STK3: variants seen among roughly 807,000 people sequenced by gnomAD.
STK3 encodes serine/threonine kinase 3, also known as serine/threonine-protein kinase 3.
A neutral mutation model predicts 58.0 loss-of-function variants in STK3; 41 were observed. The ratio of observed to expected loss-of-function variants is 0.71; its 90% CI spans 0.55 to 0.92. STK3 has a LOEUF of 0.92. Ranked by LOEUF, STK3 falls within the 40% of genes least tolerant of loss-of-function variation. The pLI, the probability that STK3 is intolerant of heterozygous loss-of-function variation, is 0.00. For synonymous variants in STK3, 170 were observed against 191.0 expected, an observed-to-expected ratio of 0.89 and a Z score of 0.91; for missense variants, 479 against 602.7, an observed-to-expected ratio of 0.79 and a Z score of 2.15.
At chr8:98,563,534 C>T (rs1356512497) in intron 8 of STK3, among the ~76,000 whole-genome samples, 2 of 151,984 alleles carry the variant, frequency 1.3e-5, no homozygotes, top group Non-Finnish European at 2.9e-5. Flanking sequence ...TCCCACAGTA[C>T]AAAAAAGTCC....
intron 3 of STK3, among the ~76,000 whole-genome samples, chr8:98,415,135 CACA>C (rs1818099597): frequency 6.6e-6 from 1 of 152,142 alleles, no homozygotes; most frequent in Admixed American, 6.5e-5. Flanking sequence ...CATGTAAGGA[CACA>C]ACGTCTCCAC....
chr8:98,782,447 G>T, intron 1 of STK3: 1 of 253,866 alleles, frequency 3.9e-6, no homozygotes, highest in South Asian at 5.7e-5. Context: ...AAAACAGGTG[G>T]ATTCTCATGG....
chr8:98,647,201 G>T (rs1389664978), intron 6 of STK3, among the ~76,000 whole-genome samples: 1 of 152,032 alleles, frequency 6.6e-6, no homozygotes, highest in Admixed American at 6.6e-5. Flanking sequence ...TATATGTGTG[G>T]TTTACTCCCA....
At chr8:98,857,420 G>A (rs375929247) in intron 3 of STK3, among the ~76,000 whole-genome samples, 2 of 152,060 alleles carry the variant, frequency 1.3e-5, no homozygotes, top group African/African-American at 4.8e-5. Flanking sequence ...TTACTTGGGA[G>A]CTTAGAATTT....
chr8:98,830,697 G>A (rs906364554), intron 3 of STK3, among the ~76,000 whole-genome samples: 6 of 152,234 alleles, frequency 3.9e-5, no homozygotes, highest in Admixed American at 1.3e-4. Context: ...TCGGCCAGGC[G>A]CGGTGGCTCA....
At chr8:98,610,342 G>C (rs1013786297) in intron 6 of STK3, among the ~76,000 whole-genome samples, 1 of 152,178 alleles carries the variant, frequency 6.6e-6, no homozygotes, top group Non-Finnish European at 1.5e-5. Flanking sequence ...TCTGGTAAAA[G>C]AGTTCCAAGG....
chr8:98,613,434 T>TA (rs1484053733), intron 6 of STK3, among the ~76,000 whole-genome samples: 1 of 151,988 alleles, frequency 6.6e-6, no homozygotes, highest in Non-Finnish European at 1.5e-5. Flanking sequence ...TAAGAGTCTT[T>TA]AAAAAAATGC....
intron 6 of STK3, among the ~76,000 whole-genome samples, chr8:98,655,533 T>C (rs997355602): frequency 4.8e-4 from 73 of 151,832 alleles, no homozygotes; most frequent in African/African-American, 1.7e-3. Context: ...GAAACTACCA[T>C]CAGAGTGAAC....
intron 6 of STK3, among the ~76,000 whole-genome samples, chr8:98,624,407 T>G: frequency 6.6e-6 from 1 of 152,242 alleles, no homozygotes; most frequent in African/African-American, 2.4e-5. Context: ...CTTTTAGAGT[T>G]GTTTTAGAGT....
intron 3 of STK3, chr8:98,431,545 C>T (rs183707229): frequency 5.1e-4 from 86 of 167,214 alleles, no homozygotes; most frequent in Non-Finnish European, 4.4e-4. Flanking sequence ...CTTATGAGGA[C>T]GGATCAGTTT....
At chr8:98,824,571 T>C (rs1265091883) in intron 1 of STK3, among the ~76,000 whole-genome samples, 1 of 152,262 alleles carries the variant, frequency 6.6e-6, no homozygotes, top group African/African-American at 2.4e-5. Context: ...TCAAGTGCTC[T>C]GACAGCAGGT....
chr8:98,898,442 A>G (rs992955752), intron 1 of STK3, among the ~76,000 whole-genome samples: 1 of 152,218 alleles, frequency 6.6e-6, no homozygotes, highest in Non-Finnish European at 1.5e-5. Flanking sequence ...CACTCAGGGA[A>G]TAGTCAAGCC....
At chr8:98,475,510 T>C (rs1821239243) in intron 10 of STK3, among the ~76,000 whole-genome samples, 2 of 152,216 alleles carry the variant, frequency 1.3e-5, no homozygotes, top group African/African-American at 2.4e-5. Context: ...AGTAAAACCA[T>C]ATTACCAGAA....
intron 6 of STK3, among the ~76,000 whole-genome samples, chr8:98,637,175 A>G (rs1201211397): frequency 1.3e-5 from 2 of 152,036 alleles, no homozygotes; most frequent in African/African-American, 4.8e-5. Context: ...TTACAAAGAG[A>G]CATGAAAGGT....
intron 6 of STK3, among the ~76,000 whole-genome samples, chr8:98,617,978 T>C (rs1049098935): frequency 6.6e-5 from 10 of 152,086 alleles, no homozygotes; most frequent in Non-Finnish European, 1.2e-4. Context: ...CCAGCATCAT[T>C]CTGATACCAA....
intron 8 of STK3, among the ~76,000 whole-genome samples, chr8:98,576,361 G>T (rs1813396037): frequency 6.6e-6 from 1 of 152,012 alleles, no homozygotes; most frequent in Non-Finnish European, 1.5e-5. Context: ...CTTCTTTTTT[G>T]ATATGTTTTG....
intron 4 of STK3, among the ~76,000 whole-genome samples, chr8:98,710,536 G>A (rs367912310): frequency 1.2e-3 from 183 of 152,290 alleles, no homozygotes; most frequent in African/African-American, 4.1e-3. Flanking sequence ...ATGGAGCCTC[G>A]CTCACTGCTA....
intron 6 of STK3, among the ~76,000 whole-genome samples, chr8:98,617,041 A>T (rs1817796468): frequency 6.6e-6 from 1 of 151,820 alleles, no homozygotes; most frequent in South Asian, 2.1e-4. Context: ...ACCTATTCCA[A>T]AATTGACCAC....
At chr8:98,796,518 G>C (rs996554573) in intron 1 of STK3, among the ~76,000 whole-genome samples, 2 of 152,038 alleles carry the variant, frequency 1.3e-5, no homozygotes, top group African/African-American at 2.4e-5. Context: ...AGGAATCCCA[G>C]AAGAAAAAAG....
Sources: gnomAD v4.1 joint callset for allele counts (sites outside exome capture counted in the v4.1 genomes callset) on GRCh38, gnomAD v4.1.1 for gene constraint, MANE v1.5 for transcripts, NCBI Gene and HGNC (gene_info 2026-07-23, HGNC 2026-07-21) for gene names.